The following CADM1 variants were observed in gnomAD, a reference collection of about 807,000 sequenced individuals.
The protein encoded by CADM1 is TSLC-1.
In CADM1, 15 loss-of-function variants were observed where a neutral mutation model predicts 53.1. The observed-to-expected ratio is 0.28, with a 90% CI of 0.19 to 0.44. The LOEUF (loss-of-function observed/expected upper bound fraction) is 0.44, where lower values mean the gene tolerates loss of function less well. Among genes scored for constraint, CADM1 ranks in the 20% least tolerant of loss-of-function variants. The pLI, the probability that CADM1 is intolerant of heterozygous loss-of-function variation, is 1.00. For synonymous variants in CADM1, 281 were observed against 243.0 expected, an observed-to-expected ratio of 1.16 and a Z score of -1.45; for missense variants, 434 against 611.3, an observed-to-expected ratio of 0.71 and a Z score of 3.06.
At position 115,172,444 on chromosome 11, in the gene CADM1, T is replaced by C. The variant is rs1938822643; in HGVS notation, c.*4030A>G. The C allele has an allele frequency of 6.6e-6, 1 of 152,294 alleles. No individual in the cohort carries two copies. Among genetic ancestry groups the C allele is most frequent in the Admixed American group, 6.5e-5 (1 of 15,280 alleles). 9.4% of individuals were successfully genotyped at this position (152,294 alleles called of 1,614,324 possible). A position where few individuals can be genotyped will look rare whatever the true frequency, so the allele number is the denominator to read the frequency against. ...TGCCCTCTGTACTTTTGACTCACAT[T>C]CCTTCTCCACGAAACCATCCTTTAA... On this transcript the variant is annotated 3_prime_UTR_variant, in exon 12 of 12. Transcript: ENST00000331581.
intron 5 of CADM1, among the ~76,000 whole-genome samples, chr11:115,218,324 C>T (rs1040295994): frequency 6.6e-6 from 1 of 152,108 alleles, no homozygotes; most frequent in Non-Finnish European, 1.5e-5. Flanking sequence ...TGAGGTGAAG[C>T]CATAGATATC....
rs1240785608 is a variant in CADM1 at position 115,297,781 on chromosome 11, T to C, written c.125-57361A>G. Among the ~76,000 whole-genome samples the C allele has an allele frequency of 2.0e-5, 3 of 152,294 alleles. No homozygotes were observed. The East Asian group carries it at 5.8e-4, about 29-fold the overall frequency. ...TTTAAAAGCCAAACACACTAAAGGA[T>C]GGTGAATTTGAGAAATGCAGGTAAA... On this transcript the variant is annotated intron_variant, in intron 1 of 11. Transcript: ENST00000331581.
chr11:115,453,380 A>C (rs1309355338), intron 1 of CADM1, among the ~76,000 whole-genome samples: 1 of 134,728 alleles, frequency 7.4e-6, no homozygotes, highest in Admixed American at 7.1e-5. Context: ...TCGCCCCCAA[A>C]AAAAACCAAA....
At chr11:115,292,250 C>T (rs542844385) in intron 1 of CADM1, among the ~76,000 whole-genome samples, 1 of 152,290 alleles carries the variant, frequency 6.6e-6, no homozygotes, top group South Asian at 2.1e-4. Context: ...GTCATGTTTA[C>T]ATTAAAACTA....
At chr11:115,281,531 G>C (rs961508589) in intron 1 of CADM1, among the ~76,000 whole-genome samples, 6 of 152,056 alleles carry the variant, frequency 3.9e-5, no homozygotes, top group South Asian at 2.1e-4. Context: ...CAAAGTTGTT[G>C]AGCTTTTAAA....
intron 1 of CADM1, among the ~76,000 whole-genome samples, chr11:115,427,785 G>T (rs1947928713): frequency 1.3e-5 from 2 of 151,860 alleles, no homozygotes; most frequent in South Asian, 4.1e-4. Context: ...TAGGTGGGTG[G>T]ATCACAAGGT....
In CADM1 at chr11:115,504,284, T is replaced by G; in HGVS notation, c.111A>C (p.Ala37=). 2 of 1,570,494 alleles carry G rather than the reference T, an allele frequency of 1.3e-6. No homozygotes were observed. The highest frequency in any genetic ancestry group is 1.7e-6 in the Non-Finnish European group (2 of 1,158,540). The change falls in exon 1 of 12, where the codon GCA becomes GCC. Residue 37 remains alanine (A), a synonymous_variant. Transcript: ENST00000331581. ...GCCCACACCTACCTGTGGGGATCAG[T>G]GCCGCGGCGGAGAAGAGCAACAGCA... ...RLLLLLFSAA[A]LIPTGDGQNL... is the part of the protein sequence containing the mutation.
At chr11:115,213,766 T>C (rs1351361830) in intron 7 of CADM1, among the ~76,000 whole-genome samples, 1 of 152,206 alleles carries the variant, frequency 6.6e-6, no homozygotes, top group East Asian at 1.9e-4. Flanking sequence ...TTATAACACA[T>C]TGAAATGCCG....
At chr11:115,360,666 T>C (rs1314674623) in intron 1 of CADM1, among the ~76,000 whole-genome samples, 4 of 152,212 alleles carry the variant, frequency 2.6e-5, no homozygotes, top group African/African-American at 7.2e-5. Context: ...GAAAGGAAAC[T>C]GTACTTGTGT....
chr11:115,274,602 G>T (rs997462955), intron 1 of CADM1, among the ~76,000 whole-genome samples: 1 of 152,220 alleles, frequency 6.6e-6, no homozygotes, highest in Admixed American at 6.5e-5. Context: ...GGGGAGACAA[G>T]ACAACAGCAA....
At position 115,447,594 on chromosome 11, in the gene CADM1, A is replaced by C. The variant is rs551311074; in HGVS notation, c.124+56677T>G. On this transcript the variant is annotated intron_variant, in intron 1 of 11. Coordinates refer to ENST00000331581, the MANE Select transcript of CADM1 (RefSeq NM_001301043.2). ...ACTGAAGCTTCTCTAGCATCCATCT[A>C]CAGGTACACACAGAACTGAGCTTCT... 1.3e-3 allele frequency among the ~76,000 whole-genome samples: 191 copies of C among 152,260 alleles called. 1 individual carries two copies. Among genetic ancestry groups the C allele is most frequent in the African/African-American group, 4.4e-3 (183 of 41,550 alleles).
intron 1 of CADM1, among the ~76,000 whole-genome samples, chr11:115,372,522 G>T (rs954688866): frequency 6.6e-6 from 1 of 152,014 alleles, no homozygotes; most frequent in Non-Finnish European, 1.5e-5. Context: ...GAATTTCTTT[G>T]CCTCCCTCTC....
intron 1 of CADM1, among the ~76,000 whole-genome samples, chr11:115,242,221 T>C (rs1942260554): frequency 6.6e-6 from 1 of 151,684 alleles, no homozygotes; most frequent in Admixed American, 6.6e-5. Flanking sequence ...GGTGTGAGAA[T>C]GCAGGCCCAC....
intron 1 of CADM1, among the ~76,000 whole-genome samples, chr11:115,383,271 G>A (rs778633303): frequency 2.0e-5 from 3 of 152,212 alleles, no homozygotes; most frequent in African/African-American, 2.4e-5. Context: ...CCCAGGAAGC[G>A]TACAGCTCTA....
chr11:115,472,708 C>A (rs1158251125), intron 1 of CADM1, among the ~76,000 whole-genome samples: 1 of 152,206 alleles, frequency 6.6e-6, no homozygotes, highest in Non-Finnish European at 1.5e-5. Flanking sequence ...TGTGTTCTCA[C>A]ATGCACAAAC....
At chr11:115,229,429 T>TA (rs1244185413) in intron 4 of CADM1, among the ~76,000 whole-genome samples, 158 bp from the exon 5 acceptor site, 1 of 152,224 alleles carries the variant, frequency 6.6e-6, no homozygotes, top group Non-Finnish European at 1.5e-5. Context: ...AGTTACCTGA[T>TA]AAAGTTTTTA....
At chr11:115,187,465 G>A (rs113966763) in intron 10 of CADM1, among the ~76,000 whole-genome samples, 3,267 of 152,246 alleles carry the variant, frequency 0.021, 110 homozygotes, top group African/African-American at 0.074. Context: ...GTCTCTTTCT[G>A]TTGCCCAGGC....
chr11:115,445,342 T>A lies in CADM1; in HGVS notation c.124+58929A>T, dbSNP rs529191667. Among the ~76,000 whole-genome samples, 67 of 152,272 alleles carry A rather than the reference T, an allele frequency of 4.4e-4. 1 individual carries two copies. The highest frequency in any genetic ancestry group is 1.4e-3 in the Admixed American group (22 of 15,300). On this transcript the variant is annotated intron_variant, in intron 1 of 11. Transcript: ENST00000331581. ...AGCTCAGGACCGTGGGCCAGTTACT[T>A]AACTGGCTCGTGCCTCAGTTTCTTA...
chr11:115,193,826 T>G (rs540980787), intron 9 of CADM1: 1 of 152,110 alleles, frequency 6.6e-6, no homozygotes, highest in South Asian at 2.1e-4. Flanking sequence ...TAGGCGATGG[T>G]CTCTCTCTTA....
Sources: gnomAD v4.1 joint callset for allele counts (sites outside exome capture counted in the v4.1 genomes callset) on GRCh38, gnomAD v4.1.1 for gene constraint, MANE v1.5 for transcripts, NCBI Gene and HGNC (gene_info 2026-07-23, HGNC 2026-07-21) for gene names.